ALCAM: variants seen among roughly 807,000 people sequenced by gnomAD.
ALCAM encodes the protein activated leukocyte cell adhesion molecule.
Under a neutral mutation model 70.9 loss-of-function variants are expected in ALCAM, and 30 were observed. The ratio of observed to expected loss-of-function variants is 0.42; its 90% CI spans 0.32 to 0.57. The LOEUF (loss-of-function observed/expected upper bound fraction) is 0.57, where lower values mean the gene tolerates loss of function less well. Among genes scored for constraint, ALCAM ranks in the 20% least tolerant of loss-of-function variants. ALCAM has a pLI of 0.11. For synonymous variants in ALCAM, 249 were observed against 242.5 expected (o/e 1.03, Z -0.25); for missense variants, 591 against 695.1 (o/e 0.85, Z 1.68).
intron 1 of ALCAM, among the ~76,000 whole-genome samples, chr3:105,404,748 C>CA (rs1252219393): frequency 6.6e-6 from 1 of 151,132 alleles, no homozygotes; most frequent in Non-Finnish European, 1.5e-5. Flanking sequence ...TCAATACTAA[C>CA]ATTGAATGTA....
chr3:105,427,029 G>C (rs1936807702), intron 1 of ALCAM, among the ~76,000 whole-genome samples: 1 of 151,774 alleles, frequency 6.6e-6, no homozygotes, highest in Non-Finnish European at 1.5e-5. Flanking sequence ...CTAGGAGAAG[G>C]GATTTTTAAG....
intron 1 of ALCAM, among the ~76,000 whole-genome samples, chr3:105,463,968 C>T (rs1937645810): frequency 6.6e-6 from 1 of 151,316 alleles, no homozygotes; most frequent in African/African-American, 2.4e-5. Context: ...TTTTGTTCAC[C>T]ACAAGCAAGA....
chr3:105,489,258 G>A (rs1255914799), intron 1 of ALCAM, among the ~76,000 whole-genome samples: 1 of 152,156 alleles, frequency 6.6e-6, no homozygotes, highest in African/African-American at 2.4e-5. Context: ...GGATTCAGTA[G>A]GTCTTAGAGG....
chr3:105,417,204 T>TA (rs1259898216), intron 1 of ALCAM, among the ~76,000 whole-genome samples: 2 of 152,000 alleles, frequency 1.3e-5, no homozygotes, highest in East Asian at 3.9e-4. Context: ...TGGGTAAACT[T>TA]ACTCTTCAAG....
intron 15 of ALCAM, 23 bp downstream of exon 15, chr3:105,571,987 A>C: frequency 1.5e-6 from 2 of 1,350,710 alleles, no homozygotes; most frequent in Non-Finnish European, 2.1e-6. Context: ...TACGAGGTTC[A>C]TAGAAATAAT....
At chr3:105,395,414 T>G (rs1186269555) in intron 1 of ALCAM, among the ~76,000 whole-genome samples, 3 of 152,004 alleles carry the variant, frequency 2.0e-5, no homozygotes, top group Non-Finnish European at 4.4e-5. Context: ...TGAGCTCTTA[T>G]TTCTTATATC....
intron 1 of ALCAM, among the ~76,000 whole-genome samples, chr3:105,411,102 C>G (rs1161560404): frequency 6.6e-6 from 1 of 152,010 alleles, no homozygotes; most frequent in Non-Finnish European, 1.5e-5. Flanking sequence ...TAATGCAGCT[C>G]TTACAACATG....
chr3:105,486,754 C>A (rs955257925), intron 1 of ALCAM, among the ~76,000 whole-genome samples: 6 of 151,882 alleles, frequency 4.0e-5, no homozygotes, highest in Non-Finnish European at 7.4e-5. Flanking sequence ...TTAACCAATC[C>A]AAATATATTC....
chr3:105,436,961 G>A (rs1002077299), intron 1 of ALCAM, among the ~76,000 whole-genome samples: 1 of 152,164 alleles, frequency 6.6e-6, no homozygotes, highest in Non-Finnish European at 1.5e-5. Context: ...GTCAGAAAGG[G>A]AAGGACCATT....
At chr3:105,431,760 C>T (rs547965114) in intron 1 of ALCAM, among the ~76,000 whole-genome samples, 1 of 152,100 alleles carries the variant, frequency 6.6e-6, no homozygotes, top group African/African-American at 2.4e-5. Context: ...CAGTTTTCAC[C>T]CTGTTTTTGT....
intron 2 of ALCAM, among the ~76,000 whole-genome samples, chr3:105,522,609 T>C (rs1307345689): frequency 6.6e-6 from 1 of 152,086 alleles, no homozygotes; most frequent in Non-Finnish European, 1.5e-5. Context: ...TCCTCACCAT[T>C]ATCTGCCATA....
intron 1 of ALCAM, among the ~76,000 whole-genome samples, chr3:105,489,905 A>G (rs1455573364): frequency 6.6e-6 from 1 of 152,238 alleles, no homozygotes; most frequent in Non-Finnish European, 1.5e-5. Context: ...GAACCTGTTC[A>G]TCTCTATCAC....
chr3:105,437,678 T>G (rs1458775903), intron 1 of ALCAM, among the ~76,000 whole-genome samples: 1 of 151,292 alleles, frequency 6.6e-6, no homozygotes, highest in Admixed American at 6.6e-5. Flanking sequence ...GATTGTACAT[T>G]TTTTTTCCTC....
intron 1 of ALCAM, among the ~76,000 whole-genome samples, chr3:105,449,111 T>A (rs2152589699): frequency 6.6e-6 from 1 of 152,338 alleles, no homozygotes; most frequent in East Asian, 1.9e-4. Flanking sequence ...AAAAGGCATG[T>A]TTGCATATTT....
At position 105,424,268 on chromosome 3, in the gene ALCAM, T is replaced by G. The variant is rs145034316; in HGVS notation, c.73+56787T>G. ...TACTATTAATTACTGTATTCTCATT[T>G]AATCCTCACAATAAGCCTGTTGGGT... On this transcript the variant is annotated intron_variant, in intron 1 of 15. Transcript: ENST00000306107. Among the ~76,000 whole-genome samples the G allele has an allele frequency of 3.0e-3, 462 of 151,836 alleles. 1 individual carries two copies. The highest frequency in any genetic ancestry group is 0.011 in the African/African-American group (446 of 41,502).
intron 1 of ALCAM, among the ~76,000 whole-genome samples, chr3:105,425,938 A>T (rs1226572855): frequency 6.6e-6 from 1 of 151,720 alleles, no homozygotes; most frequent in Non-Finnish European, 1.5e-5. Context: ...TTTCAAATGG[A>T]GATGCTTACA....
At chr3:105,518,815 T>C (rs1939451846) in intron 1 of ALCAM, among the ~76,000 whole-genome samples, 2 of 152,066 alleles carry the variant, frequency 1.3e-5, no homozygotes, top group Admixed American at 1.3e-4. Context: ...AACTAGTTGT[T>C]ATGTTGCATA....
intron 1 of ALCAM, among the ~76,000 whole-genome samples, chr3:105,512,477 T>G (rs1041652811): frequency 1.3e-5 from 2 of 151,950 alleles, no homozygotes; most frequent in South Asian, 2.1e-4. Flanking sequence ...TCCATTTAAG[T>G]AGAACTGATA....
chr3:105,431,090 A>G (rs906772004), intron 1 of ALCAM, among the ~76,000 whole-genome samples: 3 of 151,662 alleles, frequency 2.0e-5, no homozygotes, highest in Admixed American at 1.3e-4. Flanking sequence ...AGTATATTCT[A>G]TTAAGAGGTA....
Sources: gnomAD v4.1 joint callset for allele counts (sites outside exome capture counted in the v4.1 genomes callset) on GRCh38, gnomAD v4.1.1 for gene constraint, MANE v1.5 for transcripts, NCBI Gene and HGNC (gene_info 2026-07-23, HGNC 2026-07-21) for gene names.